KCNK5: variants seen among roughly 807,000 people sequenced by gnomAD.
KCNK5 encodes the protein potassium channel subfamily K member 5.
KCNK5 carries 18 observed loss-of-function variants against 32.9 expected under a neutral mutation model. The ratio of observed to expected loss-of-function variants is 0.55; its 90% CI spans 0.38 to 0.81. The LOEUF is 0.81. KCNK5 is among the 30% of genes least tolerant of loss of function. The pLI, the probability that KCNK5 is intolerant of heterozygous loss-of-function variation, is 0.00. For synonymous variants in KCNK5, 276 were observed against 275.3 expected (o/e 1.00, Z -0.03); for missense variants, 507 against 651.0 (o/e 0.78, Z 2.41).
intron 1 of KCNK5, among the ~76,000 whole-genome samples, chr6:39,215,679 A>G (rs934208140): frequency 6.6e-6 from 1 of 152,258 alleles, no homozygotes; most frequent in Non-Finnish European, 1.5e-5. Context: ...ACCACAGTCC[A>G]GCTAGAGGTT....
intron 1 of KCNK5, among the ~76,000 whole-genome samples, chr6:39,213,608 C>T (rs1771378275): frequency 6.6e-6 from 1 of 152,122 alleles, no homozygotes; most frequent in Non-Finnish European, 1.5e-5. Flanking sequence ...AAATTGTGTG[C>T]AGAGCAGTGG....
At chr6:39,199,524 G>A (rs533141186) in intron 1 of KCNK5, among the ~76,000 whole-genome samples, 3 of 152,304 alleles carry the variant, frequency 2.0e-5, no homozygotes, top group East Asian at 1.9e-4. Flanking sequence ...CTAACTCCCC[G>A]GGGCTGCAAG....
chr6:39,192,233 A>G (rs554707873), intron 4 of KCNK5, among the ~76,000 whole-genome samples: 1 of 144,842 alleles, frequency 6.9e-6, no homozygotes, highest in African/African-American at 2.6e-5. Flanking sequence ...CAGTGAGCCA[A>G]GATCACACCA....
chr6:39,194,952 T>C lies in KCNK5; in HGVS notation c.299-192A>G, dbSNP rs368243762. 2.6e-5 allele frequency among the ~76,000 whole-genome samples: 4 copies of C among 152,344 alleles called. No homozygotes were observed. In the East Asian group the frequency reaches 7.7e-4, roughly 29 times the overall value. On this transcript the variant is annotated intron_variant, in intron 2 of 4. Transcript: ENST00000359534. This position sits in a 1 kb window ranked among gnomAD's most constrained non-coding sequence, Gnocchi z 4.7. ...AAAGCAATTATGATGACATGAGCTGTATCTCCTCCATCATACAAGGAGCTC... is the reference window on the plus strand; with the variant it reads ...AAAGCAATTATGATGACATGAGCTGCATCTCCTCCATCATACAAGGAGCTC...
intron 1 of KCNK5, among the ~76,000 whole-genome samples, chr6:39,226,469 A>T (rs1242261227): frequency 6.6e-6 from 1 of 152,186 alleles, no homozygotes; most frequent in Non-Finnish European, 1.5e-5. Flanking sequence ...CACAACTTTC[A>T]GGGTAAGAGA....
intron 1 of KCNK5, among the ~76,000 whole-genome samples, chr6:39,226,869 A>G (rs1174106293): frequency 6.6e-6 from 1 of 152,188 alleles, no homozygotes; most frequent in Admixed American, 6.5e-5. Flanking sequence ...GGATGAGGAC[A>G]GGGCTGTCCT....
At chr6:39,193,161 A>ACATC (rs199506515) in intron 4 of KCNK5, among the ~76,000 whole-genome samples, 2,967 of 152,312 alleles carry the variant, frequency 0.019, 38 homozygotes, top group South Asian at 0.034. Context: ...CTGAGAAAGT[A>ACATC]TGGCTAAGTG....
At chr6:39,200,368 G>A (rs527861920) in intron 1 of KCNK5, among the ~76,000 whole-genome samples, 4 of 152,182 alleles carry the variant, frequency 2.6e-5, no homozygotes, top group African/African-American at 4.8e-5. Context: ...TGTGATTTAC[G>A]GAGGGCTTCC....
Position 39,190,843 on chromosome 6 carries a change from G to T in KCNK5, c.*47C>A. The T allele has an allele frequency of 6.9e-7, 1 of 1,443,488 alleles. No homozygotes were observed. The allele number at this position is 1,443,488 out of a possible 1,614,324, so 89.4% of individuals were successfully genotyped here. On this transcript the variant is annotated 3_prime_UTR_variant, in exon 5 of 5. Coordinates refer to ENST00000359534, the MANE Select transcript of KCNK5 (RefSeq NM_003740.4). ...CGGTCATCTCGGGACACCCTAGGGTGAGGGGGGAAGAGGCCATCAAAGGTG... is the reference window on the plus strand; with the variant it reads ...CGGTCATCTCGGGACACCCTAGGGTTAGGGGGGAAGAGGCCATCAAAGGTG...
intron 1 of KCNK5, among the ~76,000 whole-genome samples, chr6:39,197,026 C>A (rs1377793540): frequency 2.6e-5 from 4 of 152,138 alleles, no homozygotes; most frequent in African/African-American, 7.2e-5. Context: ...GGCCTGGACC[C>A]CAGAAGTCAC....
intron 1 of KCNK5, among the ~76,000 whole-genome samples, chr6:39,209,753 ACACCCAAC>A (rs1237887730): frequency 1.3e-5 from 2 of 152,136 alleles, no homozygotes; most frequent in African/African-American, 4.8e-5. Flanking sequence ...TTAACCCCTA[ACACCCAAC>A]CAGGCTCTGG....
At chr6:39,216,423 C>T (rs991737583) in intron 1 of KCNK5, among the ~76,000 whole-genome samples, 14 of 152,204 alleles carry the variant, frequency 9.2e-5, no homozygotes, top group African/African-American at 2.9e-4. Flanking sequence ...AACACGCGCA[C>T]GGGGCACTTC....
intron 1 of KCNK5, among the ~76,000 whole-genome samples, chr6:39,213,854 G>A (rs534105668): frequency 4.6e-5 from 7 of 152,100 alleles, no homozygotes; most frequent in South Asian, 2.1e-4. Flanking sequence ...GTGAAACCCC[G>A]TTTCTACTAA....
rs368144556 is a variant in KCNK5, at chr6:39,191,138, C to T, written c.1252G>A (p.Ala418Thr). 1.6e-5 allele frequency: 26 copies of T among 1,614,100 alleles called. No individual in the cohort carries two copies. The highest frequency in any genetic ancestry group is 1.1e-4 in the African/African-American group (8 of 74,950). Residue 418 changes from alanine (A) to threonine (T), a missense_variant, in exon 5 of 5, where the codon GCC becomes ACC. Ala to Thr is a moderately conservative substitution (Grantham distance 58, BLOSUM62 0). Around this residue, in one of 6 missense-constraint regions of KCNK5, gnomAD observed 252 missense variants for 250.8 expected, o/e 1.00. Transcript: ENST00000359534. The surrounding 1 kb of genome is among the most constrained non-coding windows in gnomAD (Gnocchi z 5.8). ...QDYHPLIFQDASITFVNTEAG... is the reference protein window; with the variant it reads ...QDYHPLIFQDTSITFVNTEAG... ...TCCGTGTTCACGAAGGTGATGCTGGCGTCCTGGAAGATGAGTGGGTGGTAG... is the reference window on the plus strand; with the variant it reads ...TCCGTGTTCACGAAGGTGATGCTGGTGTCCTGGAAGATGAGTGGGTGGTAG...
At chr6:39,221,726 A>T (rs1348331028) in intron 1 of KCNK5, among the ~76,000 whole-genome samples, 3 of 152,208 alleles carry the variant, frequency 2.0e-5, no homozygotes, top group Admixed American at 2.0e-4. Context: ...CCCTGAGGGC[A>T]GGGGCTGTGT....
chr6:39,226,902 A>C (rs1322963857), intron 1 of KCNK5, among the ~76,000 whole-genome samples: 2 of 152,206 alleles, frequency 1.3e-5, no homozygotes, highest in African/African-American at 2.4e-5. Context: ...TATCTATAAT[A>C]GCCTCCAAAG....
intron 1 of KCNK5, among the ~76,000 whole-genome samples, chr6:39,216,793 C>T (rs1458560386): frequency 1.3e-5 from 2 of 152,146 alleles, no homozygotes; most frequent in African/African-American, 4.8e-5. Context: ...TTTCTGTCAT[C>T]AGTGGATACG....
In KCNK5 at chr6:39,191,478, G is replaced by A. The variant is rs770002245; in HGVS notation, c.912C>T (p.Leu304=). The A allele has an allele frequency of 2.4e-5, 38 of 1,613,706 alleles. No homozygotes were observed. Among genetic ancestry groups the A allele is most frequent in the Non-Finnish European group, 3.2e-5 (38 of 1,179,988 alleles). Residue 304 remains leucine (L), a synonymous_variant, in exon 5 of 5, where the codon CTC becomes CTT. Coordinates refer to ENST00000359534, the MANE Select transcript of KCNK5 (RefSeq NM_003740.4). This position sits in a 1 kb window ranked among gnomAD's most constrained non-coding sequence, Gnocchi z 5.8. ...TGGCCTTCTTCCCGATCTGCTTGAT[G>A]AGGTCGTTGTAGGTCTCTTCCTTCT... ...LSKKEETYND[L]IKQIGKKAMK...
In KCNK5 at chr6:39,190,947, C is replaced by T. The variant is rs754537816; in HGVS notation, c.1443G>A (p.Val481=). ...TFTSTESELS[V]PYEQLMNEYN... ...ACTCATTCATCAGCTGTTCGTAAGG[C>T]ACAGAGAGCTCAGACTCAGTGCTGG... The change falls in exon 5 of 5, where the codon GTG becomes GTA. Residue 481 remains valine, a synonymous_variant. Coordinates refer to ENST00000359534, the MANE Select transcript of KCNK5 (RefSeq NM_003740.4). The T allele has an allele frequency of 1.3e-6, 2 of 1,512,196 alleles. No individual in the cohort carries two copies. Among genetic ancestry groups the T allele is most frequent in the Non-Finnish European group, 1.8e-6 (2 of 1,131,792 alleles). 93.7% of individuals were successfully genotyped at this position (1,512,196 alleles called of 1,614,324 possible). A position where few individuals can be genotyped will look rare whatever the true frequency, so the allele number is the denominator to read the frequency against.
Sources: allele counts gnomAD v4.1 joint callset (sites outside exome capture counted in the v4.1 genomes callset), GRCh38; gene constraint gnomAD v4.1.1; regional missense constraint gnomAD v4.1.1; non-coding constraint Gnocchi (gnomAD v3.1); transcripts MANE v1.5; gene names NCBI Gene and HGNC (gene_info 2026-07-23, HGNC 2026-07-21).